NBEA: variants seen among roughly 807,000 people sequenced by gnomAD.
NBEA encodes neurobeachin.
A neutral mutation model predicts 343.4 loss-of-function variants in NBEA; 44 were observed. The ratio of observed to expected loss-of-function variants is 0.13; its 90% CI spans 0.10 to 0.16. The LOEUF (loss-of-function observed/expected upper bound fraction) is 0.16, where lower values mean the gene tolerates loss of function less well. NBEA is among the 10% of genes least tolerant of loss of function. The pLI, the probability that NBEA is intolerant of heterozygous loss-of-function variation, is 1.00. For synonymous variants in NBEA, 1,175 were observed against 1,238.7 expected (o/e 0.95, Z 1.08); for missense variants, 2,555 against 3,631.3 (o/e 0.70, Z 7.62).
At chr13:35,100,159 C>T (rs1346451467) in intron 11 of NBEA, among the ~76,000 whole-genome samples, 1 of 151,994 alleles carries the variant, frequency 6.6e-6, no homozygotes, top group Non-Finnish European at 1.5e-5. Flanking sequence ...GTGGTATATA[C>T]ATCAATTGAA....
intron 38 of NBEA, among the ~76,000 whole-genome samples, chr13:35,409,989 CATT>C (rs1452249074): frequency 6.6e-6 from 1 of 152,126 alleles, no homozygotes; most frequent in East Asian, 1.9e-4. Flanking sequence ...CCTAAAGTTT[CATT>C]ATTATTAGTG....
chr13:35,588,567 T>C (rs2081388325), intron 46 of NBEA, among the ~76,000 whole-genome samples: 1 of 152,146 alleles, frequency 6.6e-6, no homozygotes, highest in Admixed American at 6.6e-5. Flanking sequence ...ATTAAAAATA[T>C]TATTTTAAAC....
intron 40 of NBEA, among the ~76,000 whole-genome samples, chr13:35,463,839 G>T (rs1243084779): frequency 1.3e-5 from 2 of 152,058 alleles, no homozygotes; most frequent in African/African-American, 4.8e-5. Flanking sequence ...AGAGAGCAGA[G>T]GGGGCAGGGG....
intron 34 of NBEA, among the ~76,000 whole-genome samples, chr13:35,259,102 C>T (rs2032960525): frequency 6.6e-6 from 1 of 152,178 alleles, no homozygotes; most frequent in South Asian, 2.1e-4. Flanking sequence ...ATGCTAAGCA[C>T]TTACAAGCTT....
intron 10 of NBEA, among the ~76,000 whole-genome samples, chr13:35,091,534 A>G (rs1349626740): frequency 1.3e-5 from 2 of 152,016 alleles, no homozygotes; most frequent in Admixed American, 6.6e-5. Context: ...TTGTCTATGT[A>G]AAAATTCTCA....
intron 7 of NBEA, among the ~76,000 whole-genome samples, chr13:35,057,459 A>G (rs1339183188): frequency 6.6e-6 from 1 of 152,138 alleles, no homozygotes; most frequent in African/African-American, 2.4e-5. Flanking sequence ...TAAGAGACGC[A>G]AACAAAATCA....
chr13:35,668,865 G>A lies in NBEA; in HGVS notation c.8813+346G>A, dbSNP rs76697398. On this transcript the variant is annotated intron_variant, in intron 58 of 58. Coordinates refer to ENST00000379939, the MANE Select transcript of NBEA (RefSeq NM_001385012.1). The stretch of plus-strand genomic sequence containing the variant: ...GGCTTATATGATGTGAGGGAAACAC[G>A]TATTTTTCAGCAGAGGTGGGATTCA... Among the ~76,000 whole-genome samples, 603 of 152,294 alleles carry A rather than the reference G, an allele frequency of 4.0e-3. 3 individuals carry two copies. The highest frequency in any genetic ancestry group is 0.013 in the African/African-American group (548 of 41,558).
intron 1 of NBEA, among the ~76,000 whole-genome samples, chr13:34,965,730 C>T (rs1019015239): frequency 3.3e-5 from 5 of 151,678 alleles, no homozygotes; most frequent in African/African-American, 9.7e-5. Flanking sequence ...CTGCAGTTGC[C>T]ATGATCAAGG....
At chr13:35,609,033 A>G (rs111604755) in intron 48 of NBEA, among the ~76,000 whole-genome samples, 13 of 152,312 alleles carry the variant, frequency 8.5e-5, no homozygotes, top group East Asian at 1.9e-4. Context: ...ATAATTGTCA[A>G]TCCAGACCTT....
In NBEA at chr13:35,671,564, C is replaced by T. The variant is rs1353799307; in HGVS notation, c.*573C>T. ...TGGCTTGATGGAACAGGTGCATTCA[C>T]ACTATGAAACAGAAAGATCTGTCCA... is the stretch of plus-strand genomic sequence containing the variant. On this transcript the variant is annotated 3_prime_UTR_variant, in exon 59 of 59. Coordinates refer to ENST00000379939, the MANE Select transcript of NBEA (RefSeq NM_001385012.1). 2 of 152,756 alleles carry T rather than the reference C, an allele frequency of 1.3e-5. No homozygotes were observed. The highest frequency in any genetic ancestry group is 2.9e-5 in the Non-Finnish European group (2 of 68,142). 9.5% of individuals were successfully genotyped at this position (152,756 alleles called of 1,614,324 possible). A position where few individuals can be genotyped will look rare whatever the true frequency, so the allele number is the denominator to read the frequency against.
At chr13:35,140,355 A>G (rs2068019024) in intron 17 of NBEA, among the ~76,000 whole-genome samples, 2 of 152,108 alleles carry the variant, frequency 1.3e-5, no homozygotes, top group Admixed American at 1.3e-4. Context: ...AGCTCCTTGT[A>G]GCAGAGATCT....
Position 35,655,625 on chromosome 13 carries a change from C to T in NBEA, c.8238C>T (p.Cys2746=). 6.2e-7 allele frequency: 1 copy of T among 1,613,900 alleles called. No homozygotes were observed. The highest frequency in any genetic ancestry group is 8.5e-7 in the Non-Finnish European group (1 of 1,179,862). Reference sequence around the variant, plus strand: ...TTGGCCATTGGGATGTGGTCACTTGCTTGGCCAGGTCCGAGTCATACATTG... The same window carrying T: ...TTGGCCATTGGGATGTGGTCACTTGTTTGGCCAGGTCCGAGTCATACATTG... ...IVFGHWDVVT[C]LARSESYIGG... is the part of the protein sequence containing the mutation. Residue 2746 remains cysteine (C), a synonymous_variant, in exon 55 of 59, where the codon TGC becomes TGT. Coordinates refer to ENST00000379939, the MANE Select transcript of NBEA (RefSeq NM_001385012.1).
chr13:35,428,814 T>C (rs950869841), intron 38 of NBEA, among the ~76,000 whole-genome samples: 2 of 152,216 alleles, frequency 1.3e-5, no homozygotes, highest in African/African-American at 4.8e-5. Context: ...TATTTTTTTC[T>C]GAGATAATTT....
chr13:35,259,051 T>C (rs539710936), intron 34 of NBEA, among the ~76,000 whole-genome samples: 11 of 152,344 alleles, frequency 7.2e-5, no homozygotes, highest in African/African-American at 2.2e-4. Context: ...TATCAGTACA[T>C]AACCCCATTT....
chr13:34,969,118 T>C (rs1470390815), intron 1 of NBEA, among the ~76,000 whole-genome samples: 1 of 152,072 alleles, frequency 6.6e-6, no homozygotes, highest in African/African-American at 2.4e-5. Context: ...GTTTTGCATT[T>C]ATATTTTGCA....
chr13:35,345,493 G>A (rs148102635), intron 36 of NBEA, among the ~76,000 whole-genome samples: 40 of 151,958 alleles, frequency 2.6e-4, no homozygotes, highest in African/African-American at 8.9e-4. Flanking sequence ...CATTCGTGTC[G>A]CCTCTCAAAA....
At chr13:35,629,468 A>G (rs2083364019) in intron 49 of NBEA, among the ~76,000 whole-genome samples, 1 of 152,230 alleles carries the variant, frequency 6.6e-6, no homozygotes, top group South Asian at 2.1e-4. Context: ...GAAGAGCCTC[A>G]TAATCATTGA....
chr13:35,436,386 A>G (rs772687222), intron 39 of NBEA, among the ~76,000 whole-genome samples: 25 of 152,196 alleles, frequency 1.6e-4, no homozygotes, highest in Non-Finnish European at 3.2e-4. Context: ...GTGTTAAATA[A>G]TGACACTATT....
intron 1 of NBEA, among the ~76,000 whole-genome samples, chr13:34,958,815 A>T (rs1010320149): frequency 6.6e-6 from 1 of 152,188 alleles, no homozygotes; most frequent in Non-Finnish European, 1.5e-5. Context: ...ATCAAAGTAG[A>T]GTTAAATGGC....
Sources: gnomAD v4.1 joint callset for allele counts (sites outside exome capture counted in the v4.1 genomes callset) on GRCh38, gnomAD v4.1.1 for gene constraint, MANE v1.5 for transcripts, NCBI Gene and HGNC (gene_info 2026-07-23, HGNC 2026-07-21) for gene names.